Variants in SLC38A12 observed in about 807,000 individuals in gnomAD.
The protein encoded by SLC38A12 is solute carrier family 38 member 12.
At chr17:74,783,883 A>AC in the SLC38A12 span, among the ~76,000 whole-genome samples, 6 of 150,168 alleles carry the variant, frequency 4.0e-5, no homozygotes, top group African/African-American at 7.3e-5. Context: ...GGCACACGCC[A>AC]CCCCCCAGCT....
the SLC38A12 span, among the ~76,000 whole-genome samples, chr17:74,783,421 T>C: frequency 6.6e-5 from 10 of 152,260 alleles, no homozygotes; most frequent in African/African-American, 2.2e-4. Flanking sequence ...CAGGACAACT[T>C]TGGGAGCCTG....
the SLC38A12 span, chr17:74,836,743 C>T: frequency 1.1e-5 from 17 of 1,521,916 alleles, no homozygotes; most frequent in South Asian, 1.6e-4. The surrounding 1 kb of genome is among the most constrained non-coding windows in gnomAD (Gnocchi z 4.2). Flanking sequence ...CCCCACCCCT[C>T]GCCCGCAGAG....
chr17:74,803,834 G>C, the SLC38A12 span, among the ~76,000 whole-genome samples: 1 of 152,294 alleles, frequency 6.6e-6, no homozygotes, highest in African/African-American at 2.4e-5. Context: ...ACTAAAAATA[G>C]TTTTTATTAT....
the SLC38A12 span, among the ~76,000 whole-genome samples, chr17:74,815,560 G>A: frequency 4.6e-5 from 7 of 152,196 alleles, no homozygotes; most frequent in Non-Finnish European, 1.0e-4. Context: ...ACGCTCCGTG[G>A]TGCGGTTAAA....
At chr17:74,815,200 G>A in the SLC38A12 span, among the ~76,000 whole-genome samples, 4 of 152,182 alleles carry the variant, frequency 2.6e-5, no homozygotes, top group East Asian at 5.8e-4. Context: ...AGCGGGCCAT[G>A]AGCATGAAAT....
the SLC38A12 span, among the ~76,000 whole-genome samples, chr17:74,829,268 C>T: frequency 1.3e-5 from 2 of 152,240 alleles, no homozygotes; most frequent in African/African-American, 4.8e-5. The surrounding 1 kb of genome is among the most constrained non-coding windows in gnomAD (Gnocchi z 4.1). Flanking sequence ...GGACTACAGG[C>T]GCCCGCCACC....
At chr17:74,821,981 C>T in the SLC38A12 span, among the ~76,000 whole-genome samples, 1 of 152,184 alleles carries the variant, frequency 6.6e-6, no homozygotes, top group Non-Finnish European at 1.5e-5. Flanking sequence ...CTGCTTTAGC[C>T]GGCATGGGGA....
At chr17:74,811,582 G>A in the SLC38A12 span, among the ~76,000 whole-genome samples, 3 of 151,874 alleles carry the variant, frequency 2.0e-5, no homozygotes, top group South Asian at 4.2e-4. Flanking sequence ...TTAGCAAAGC[G>A]TGGTGGCATA....
the SLC38A12 span, among the ~76,000 whole-genome samples, chr17:74,778,953 C>A: frequency 6.6e-6 from 1 of 152,134 alleles, no homozygotes; most frequent in East Asian, 1.9e-4. Context: ...CAGCCGTGAG[C>A]CACTGCACCC....
the SLC38A12 span, chr17:74,790,064 C>A: frequency 1.5e-6 from 1 of 660,374 alleles, no homozygotes. Flanking sequence ...GGTGATCCTC[C>A]CATCTCAGCC....
chr17:74,839,345 C>T, the SLC38A12 span: 8 of 603,982 alleles, frequency 1.3e-5, no homozygotes, highest in South Asian at 2.5e-5. Flanking sequence ...GGGGCTGCTG[C>T]CCCGCTCCTG....
chr17:74,805,801 A>G, the SLC38A12 span, among the ~76,000 whole-genome samples: 1 of 152,096 alleles, frequency 6.6e-6, no homozygotes, highest in African/African-American at 2.4e-5. The surrounding 1 kb of genome is among the most constrained non-coding windows in gnomAD (Gnocchi z 5.0). Context: ...CTGCGCCGAG[A>G]GCATGGACCG....
the SLC38A12 span, among the ~76,000 whole-genome samples, chr17:74,808,517 G>A: frequency 6.6e-6 from 1 of 152,198 alleles, no homozygotes; most frequent in Non-Finnish European, 1.5e-5. Flanking sequence ...GCCTGGCAGT[G>A]CCAGTCCACT....
At chr17:74,802,287 A>G in the SLC38A12 span, among the ~76,000 whole-genome samples, 1 of 152,086 alleles carries the variant, frequency 6.6e-6, no homozygotes, top group Admixed American at 6.5e-5. Context: ...ACCTTGGCCA[A>G]TACCTATGCG....
At chr17:74,802,095 C>T in the SLC38A12 span, among the ~76,000 whole-genome samples, 34,585 of 152,028 alleles carry the variant, frequency 0.23, 4,452 homozygotes, top group East Asian at 0.41. Context: ...ACCTGGGTGA[C>T]GCCTCCCTGA....
the SLC38A12 span, among the ~76,000 whole-genome samples, chr17:74,814,200 G>A: frequency 1.3e-5 from 2 of 152,186 alleles, no homozygotes; most frequent in Non-Finnish European, 2.9e-5. Context: ...CCCCTTCTTT[G>A]TGGGGACCTT....
At chr17:74,839,283 G>T in the SLC38A12 span, 1 of 1,116,116 alleles carries the variant, frequency 9.0e-7, no homozygotes, top group South Asian at 1.7e-5. Flanking sequence ...TACGGGGCAG[G>T]GAGCAGCCTC....
At chr17:74,788,783 C>T in the SLC38A12 span, 1 of 1,612,566 alleles carries the variant, frequency 6.2e-7, no homozygotes. Flanking sequence ...CACTCGGCCC[C>T]CTCAGCTTCG....
chr17:74,789,737 C>G, the SLC38A12 span, among the ~76,000 whole-genome samples: 2 of 148,838 alleles, frequency 1.3e-5, no homozygotes, highest in East Asian at 4.1e-4. Flanking sequence ...CTCAGCTACT[C>G]GGGAGGCTGA....
Sources: allele counts gnomAD v4.1 joint callset (sites outside exome capture counted in the v4.1 genomes callset), GRCh38; gene constraint gnomAD v4.1.1; non-coding constraint Gnocchi (gnomAD v3.1); transcripts MANE v1.5; gene names NCBI Gene and HGNC (gene_info 2026-07-23, HGNC 2026-07-21).